The following UBAC2 variants were observed in gnomAD, a reference collection of about 807,000 sequenced individuals.
UBAC2 encodes UBA domain containing 2.
A neutral mutation model predicts 44.0 loss-of-function variants in UBAC2; 26 were observed. The observed-to-expected ratio is 0.59, with a 90% CI of 0.43 to 0.82. The LOEUF is 0.82. Ranked by LOEUF, UBAC2 falls within the 40% of genes least tolerant of loss-of-function variation. The pLI, the probability that UBAC2 is intolerant of heterozygous loss-of-function variation, is 0.00. For synonymous variants in UBAC2, 155 were observed against 154.3 expected, an observed-to-expected ratio of 1.00 and a Z score of -0.04; for missense variants, 329 against 419.4, an observed-to-expected ratio of 0.78 and a Z score of 1.88.
intron 1 of UBAC2, among the ~76,000 whole-genome samples, chr13:99,231,763 A>G (rs923188317): frequency 2.6e-5 from 4 of 152,082 alleles, no homozygotes; most frequent in Non-Finnish European, 4.4e-5. Flanking sequence ...TTGATGATCT[A>G]TTTTTGTAAA....
chr13:99,303,895 T>G (rs2044292283), intron 4 of UBAC2, among the ~76,000 whole-genome samples: 1 of 152,168 alleles, frequency 6.6e-6, no homozygotes, highest in Non-Finnish European at 1.5e-5. Flanking sequence ...CGCCCAGGAC[T>G]CCGTGTTCTC....
At chr13:99,283,462 A>T (rs563076626) in intron 4 of UBAC2, among the ~76,000 whole-genome samples, 1 of 152,204 alleles carries the variant, frequency 6.6e-6, no homozygotes, top group African/African-American at 2.4e-5. Context: ...TAATAAATTT[A>T]TATTGAACAA....
intron 7 of UBAC2, among the ~76,000 whole-genome samples, chr13:99,362,201 A>G (rs1037876270): frequency 6.6e-6 from 1 of 152,204 alleles, no homozygotes; most frequent in South Asian, 2.1e-4. Context: ...AGATTTACCC[A>G]TGTAAATCTA....
intron 1 of UBAC2, chr13:99,231,406 A>ATTTTTTTTTT (rs34600991): frequency 4.2e-5 from 3 of 71,956 alleles, no homozygotes; most frequent in African/African-American, 5.4e-5. Flanking sequence ...TGCTGTATAC[A>ATTTTTTTTTT]TTTTTTTTTT....
At chr13:99,300,634 A>G (rs1402893981) in intron 4 of UBAC2, among the ~76,000 whole-genome samples, 1 of 152,198 alleles carries the variant, frequency 6.6e-6, no homozygotes. Context: ...ATTCAGCAGG[A>G]AAATGGTTTT....
intron 4 of UBAC2, among the ~76,000 whole-genome samples, chr13:99,304,063 T>A (rs2138739371): frequency 6.6e-6 from 1 of 152,214 alleles, no homozygotes; most frequent in Admixed American, 6.5e-5. Context: ...ACGGGGCCCA[T>A]CCAACCCCAG....
At chr13:99,352,738 C>T (rs2045113373) in intron 7 of UBAC2, among the ~76,000 whole-genome samples, 1 of 152,244 alleles carries the variant, frequency 6.6e-6, no homozygotes, top group Non-Finnish European at 1.5e-5. Flanking sequence ...AGCACGATCC[C>T]TCCTCTCCCT....
At chr13:99,271,439 G>A (rs1172934620) in intron 4 of UBAC2, among the ~76,000 whole-genome samples, 5 of 151,922 alleles carry the variant, frequency 3.3e-5, no homozygotes, top group Admixed American at 6.6e-5. Flanking sequence ...GGGGGGATGG[G>A]GTGTGGGAAG....
At chr13:99,317,945 A>G (rs568864790) in intron 5 of UBAC2, 77 bp from the exon 6 acceptor site, 2 of 1,162,198 alleles carry the variant, frequency 1.7e-6, no homozygotes, top group Non-Finnish European at 2.5e-6. Flanking sequence ...GGTCATGACT[A>G]TAGTTATGTA....
At chr13:99,344,000 C>G (rs933409753) in intron 7 of UBAC2, among the ~76,000 whole-genome samples, 1 of 152,144 alleles carries the variant, frequency 6.6e-6, no homozygotes, top group African/African-American at 2.4e-5. Flanking sequence ...AAAAAGATAG[C>G]CCCCAGTCCT....
intron 7 of UBAC2, among the ~76,000 whole-genome samples, chr13:99,352,142 C>CT (rs1342122569): frequency 6.6e-6 from 1 of 152,094 alleles, no homozygotes; most frequent in Non-Finnish European, 1.5e-5. Context: ...AATTCAATAA[C>CT]TTTTTTTAGT....
intron 4 of UBAC2, among the ~76,000 whole-genome samples, chr13:99,246,710 T>C (rs894987453): frequency 6.6e-6 from 1 of 152,234 alleles, no homozygotes; most frequent in Admixed American, 6.5e-5. Flanking sequence ...GGGAATACTT[T>C]TGCTTACTCT....
chr13:99,232,847 C>T (rs1303298288), intron 1 of UBAC2, among the ~76,000 whole-genome samples: 1 of 152,136 alleles, frequency 6.6e-6, no homozygotes, highest in East Asian at 1.9e-4. Context: ...GAGGCTGAAG[C>T]AGGAGGATTG....
intron 3 of UBAC2, 48 bp from the exon 4 acceptor site, chr13:99,244,466 AT>A (rs1566464909): frequency 1.5e-6 from 2 of 1,323,984 alleles, no homozygotes; most frequent in Non-Finnish European, 2.2e-6. Flanking sequence ...ATGTTAGTTT[AT>A]TTTTAGGAGA....
At chr13:99,293,487 A>C (rs1301766586) in intron 4 of UBAC2, among the ~76,000 whole-genome samples, 2 of 152,244 alleles carry the variant, frequency 1.3e-5, no homozygotes, top group African/African-American at 4.8e-5. Flanking sequence ...GATCCAACTC[A>C]GATGACTACC....
chr13:99,281,192 AAAAAC>A (rs1033276028), intron 4 of UBAC2, among the ~76,000 whole-genome samples: 100 of 150,446 alleles, frequency 6.6e-4, no homozygotes, highest in Non-Finnish European at 8.4e-4. Flanking sequence ...CCATCTCAAA[AAAAAC>A]AAAACAAAAC....
At chr13:99,213,829 AT>A (rs1253391015) in intron 1 of UBAC2, among the ~76,000 whole-genome samples, 1 of 152,064 alleles carries the variant, frequency 6.6e-6, no homozygotes, top group African/African-American at 2.4e-5. Context: ...ATTTTATTTT[AT>A]TTTATTGTAG....
intron 1 of UBAC2, among the ~76,000 whole-genome samples, chr13:99,209,967 T>C (rs2042918797): frequency 6.6e-6 from 1 of 151,944 alleles, no homozygotes; most frequent in Admixed American, 6.6e-5. Context: ...TGCGAGACTG[T>C]CTCAAAAAAC....
chr13:99,295,513 G>T lies in UBAC2; in HGVS notation c.390-18584G>T. On this transcript the variant is annotated intron_variant, in intron 4 of 8. Transcript: ENST00000403766. The surrounding 1 kb of genome is among the most constrained non-coding windows in gnomAD (Gnocchi z 4.1). ...AGATCTGAGAATAGCAGATGAGAAT[G>T]ATTATAAGTGGAAGTACATATCCTA... is the stretch of plus-strand genomic sequence containing the variant. The T allele has an allele frequency of 6.2e-7, 1 of 1,613,950 alleles. No homozygotes were observed. Among genetic ancestry groups the T allele is most frequent in the Non-Finnish European group, 8.5e-7 (1 of 1,180,010 alleles).
Sources: gnomAD v4.1 joint callset for allele counts (sites outside exome capture counted in the v4.1 genomes callset) on GRCh38, gnomAD v4.1.1 for gene constraint, Gnocchi (gnomAD v3.1) non-coding constraint, MANE v1.5 for transcripts, NCBI Gene and HGNC (gene_info 2026-07-23, HGNC 2026-07-21) for gene names.